Variants in SLC1A6 observed in about 807,000 individuals in gnomAD.
SLC1A6 encodes the protein solute carrier family 1 member 6, also known as excitatory amino acid transporter 4.
Under a neutral mutation model 42.1 loss-of-function variants are expected in SLC1A6, and 15 were observed. That is an observed-to-expected ratio of 0.36 (90% CI 0.24 to 0.55). SLC1A6 has a LOEUF of 0.55. Among genes scored for constraint, SLC1A6 ranks in the 20% least tolerant of loss-of-function variants. The pLI, the probability that SLC1A6 is intolerant of heterozygous loss-of-function variation, is 0.88. For synonymous variants in SLC1A6, 317 were observed against 319.7 expected (o/e 0.99, Z 0.09); for missense variants, 542 against 772.5 (o/e 0.70, Z 3.54).
intron 1 of SLC1A6, among the ~76,000 whole-genome samples, chr19:15,006,434 C>T (rs368080090): frequency 2.6e-5 from 4 of 152,156 alleles, no homozygotes; most frequent in African/African-American, 9.7e-5. Flanking sequence ...CCCAAGCCTC[C>T]ATCGCCAAAG....
At chr19:14,983,692 A>AAAC (rs1225352262), upstream of SLC1A6, among the ~76,000 whole-genome samples, 1 of 150,408 alleles carries the variant, frequency 6.6e-6, no homozygotes, top group African/African-American at 2.5e-5. Flanking sequence ...TAGCTCTAAA[A>AAAC]AACAACAACA....
chr19:14,992,148 T>A (rs2045823763), intron 1 of SLC1A6, among the ~76,000 whole-genome samples: 1 of 152,210 alleles, frequency 6.6e-6, no homozygotes, highest in Non-Finnish European at 1.5e-5. Flanking sequence ...CAGGCTCCTG[T>A]GTGGCTCAGT....
At chr19:14,973,184 T>G (rs983009605) in intron 1 of SLC1A6, 7 of 482,074 alleles carry the variant, frequency 1.5e-5, no homozygotes, top group Admixed American at 3.8e-5. Flanking sequence ...GAGGATCACT[T>G]GAGCCCAAGA....
At chr19:14,984,753 T>C (rs1477084386), upstream of SLC1A6, among the ~76,000 whole-genome samples, 1 of 152,264 alleles carries the variant, frequency 6.6e-6, no homozygotes, top group African/African-American at 2.4e-5. Context: ...CACATTTCAT[T>C]ATGCAATAGC....
At chr19:14,998,855 C>CATTTATTATTTATTT (rs1555710647) in intron 1 of SLC1A6, among the ~76,000 whole-genome samples, 1 of 128,146 alleles carries the variant, frequency 7.8e-6, no homozygotes, top group East Asian at 2.1e-4. Flanking sequence ...TGATAAGAAA[C>CATTTATTATTTATTT]ATTTATTTAT....
At position 14,956,504 on chromosome 19, in the gene SLC1A6, G is replaced by C. The variant is rs1429604599; in HGVS notation, c.1141C>G (p.Leu381Val). 10 of 1,600,064 alleles carry C rather than the reference G, an allele frequency of 6.2e-6. No individual in the cohort carries two copies. The East Asian group carries it at 2.2e-4, about 36-fold the overall frequency. The change falls in exon 7 of 10, where the codon CTC becomes GTC. Residue 381 changes from leucine to valine, a missense_variant. Transcript: ENST00000594383. ...FPFIGGMLQA[L>V]ITAMGTSSSS... Reference sequence around the variant, plus strand: ...GAAGACGTGCCCATAGCGGTGATGAGGGCTTGTAGCATGCCCCCAATGAAG... The same window carrying C: ...GAAGACGTGCCCATAGCGGTGATGACGGCTTGTAGCATGCCCCCAATGAAG...
intron 9 of SLC1A6, among the ~76,000 whole-genome samples, chr19:14,951,020 G>A (rs1300858531): frequency 6.9e-6 from 1 of 145,290 alleles, no homozygotes; most frequent in African/African-American, 2.6e-5. Context: ...GGATCACAAG[G>A]TCAGGAGTTG....
chr19:15,008,556 A>G (rs2079247), intron 1 of SLC1A6, among the ~76,000 whole-genome samples: 59,679 of 151,964 alleles, frequency 0.39, 12,745 homozygotes, highest in East Asian at 0.55. Flanking sequence ...CCCACTGCTG[A>G]GTATATACCT....
At chr19:14,959,730 T>TTTGCATG (rs1195410643) in intron 6 of SLC1A6, among the ~76,000 whole-genome samples, 2 of 152,174 alleles carry the variant, frequency 1.3e-5, no homozygotes, top group African/African-American at 4.8e-5. Context: ...ACCTTCAAGC[T>TTTGCATG]TTGCATGTTC....
At chr19:15,009,860 G>T (rs868617113) in intron 1 of SLC1A6, among the ~76,000 whole-genome samples, 5 of 152,218 alleles carry the variant, frequency 3.3e-5, no homozygotes, top group Middle Eastern at 6.8e-3. Context: ...TCAGATAGCG[G>T]TGAGTGCTAT....
intron 1 of SLC1A6, among the ~76,000 whole-genome samples, chr19:14,975,716 G>A (rs2045697057): frequency 1.4e-5 from 2 of 143,556 alleles, no homozygotes; most frequent in Admixed American, 1.5e-4. Flanking sequence ...TTGCACCACT[G>A]TACTCCAGCC....
chr19:15,002,890 TTTTGTTTG>T (rs147491469), intron 1 of SLC1A6, among the ~76,000 whole-genome samples: 14,872 of 151,908 alleles, frequency 0.098, 887 homozygotes, highest in East Asian at 0.2. Context: ...GAGCCATTAT[TTTTGTTTG>T]TTTGTTTGTT....
chr19:15,002,810 G>A (rs2045878021), intron 1 of SLC1A6, among the ~76,000 whole-genome samples: 2 of 152,212 alleles, frequency 1.3e-5, no homozygotes, highest in Non-Finnish European at 2.9e-5. Context: ...CTACCAGGAG[G>A]TCAAGTTGAG....
intron 1 of SLC1A6, among the ~76,000 whole-genome samples, chr19:14,998,621 C>A (rs2045858172): frequency 6.6e-6 from 1 of 151,988 alleles, no homozygotes; most frequent in African/African-American, 2.4e-5. Flanking sequence ...AATAAGACAC[C>A]AAATTCCAAA....
intron 1 of SLC1A6, among the ~76,000 whole-genome samples, chr19:15,005,903 T>G (rs1324035153): frequency 6.6e-6 from 1 of 152,234 alleles, no homozygotes; most frequent in Non-Finnish European, 1.5e-5. Flanking sequence ...GTACAAGTTC[T>G]GCCCAACAGA....
At chr19:14,995,002 G>A (rs10412062) in intron 1 of SLC1A6, among the ~76,000 whole-genome samples, 32,322 of 151,992 alleles carry the variant, frequency 0.21, 3,953 homozygotes, top group East Asian at 0.47. Context: ...CTCATATGTG[G>A]AATCCTAAAA....
intron 1 of SLC1A6, among the ~76,000 whole-genome samples, chr19:15,003,980 A>G (rs1164238101): frequency 2.0e-5 from 3 of 151,990 alleles, no homozygotes; most frequent in African/African-American, 7.3e-5. Flanking sequence ...ACATGGAGAA[A>G]CCCCATCTCT....
At chr19:14,981,274 C>G (rs973868088), upstream of SLC1A6, among the ~76,000 whole-genome samples, 6 of 149,792 alleles carry the variant, frequency 4.0e-5, no homozygotes, top group African/African-American at 1.5e-4. Flanking sequence ...GCCTGGACAA[C>G]AGAGCAAGAC....
chr19:14,973,025 G>A, intron 1 of SLC1A6, 108 bp from the exon 2 acceptor site: 1 of 842,742 alleles, frequency 1.2e-6, no homozygotes, highest in East Asian at 2.7e-5. Context: ...AGGACTCTCA[G>A]AAGGCGGGGG....
Sources: allele counts gnomAD v4.1 joint callset (sites outside exome capture counted in the v4.1 genomes callset), GRCh38; gene constraint gnomAD v4.1.1; transcripts MANE v1.5; gene names NCBI Gene and HGNC (gene_info 2026-07-23, HGNC 2026-07-21).